The following CACNA2D1 variants were observed in gnomAD, a reference collection of about 807,000 sequenced individuals.
CACNA2D1 encodes the protein calcium voltage-gated channel auxiliary subunit alpha2delta 1, also known as voltage-dependent calcium channel subunit alpha-2/delta-1.
Under a neutral mutation model 171.5 loss-of-function variants are expected in CACNA2D1, and 53 were observed. That is an observed-to-expected ratio of 0.31 (90% confidence interval 0.25 to 0.39). CACNA2D1 has a LOEUF of 0.39. CACNA2D1 is among the 10% of genes least tolerant of loss of function. CACNA2D1 has a pLI of 1.00. For missense variants in CACNA2D1, 903 were observed against 1,299.8 expected, an observed-to-expected ratio of 0.69 and a Z score of 4.69; for synonymous variants, 442 against 443.1, an observed-to-expected ratio of 1.00 and a Z score of 0.03.
At chr7:82,200,775 G>C (rs1198971564) in intron 3 of CACNA2D1, among the ~76,000 whole-genome samples, 1 of 152,272 alleles carries the variant, frequency 6.6e-6, no homozygotes, top group East Asian at 1.9e-4. Flanking sequence ...GCACATTCCA[G>C]GAGAAATGAT....
intron 24 of CACNA2D1, among the ~76,000 whole-genome samples, chr7:81,978,870 A>T (rs548880072): frequency 6.0e-4 from 90 of 151,212 alleles, no homozygotes; most frequent in Non-Finnish European, 9.7e-4. Context: ...ACATATGTTA[A>T]TTGAAGTGGA....
chr7:82,065,573 T>C (rs560062045), intron 8 of CACNA2D1, among the ~76,000 whole-genome samples: 9 of 152,314 alleles, frequency 5.9e-5, no homozygotes, highest in African/African-American at 2.2e-4. Context: ...CATAAATTGC[T>C]ACTGGGATAT....
chr7:81,970,425 T>C (rs1417001794), intron 27 of CACNA2D1, among the ~76,000 whole-genome samples: 1 of 151,462 alleles, frequency 6.6e-6, no homozygotes, highest in Non-Finnish European at 1.5e-5. Context: ...AAGAGAAAAA[T>C]CTCTTTAAAC....
intron 10 of CACNA2D1, among the ~76,000 whole-genome samples, chr7:82,049,570 C>T (rs371332811): frequency 6.6e-5 from 10 of 152,114 alleles, no homozygotes; most frequent in South Asian, 2.1e-4. Flanking sequence ...ACGCAAAGCC[C>T]GCCAGTTGTA....
intron 6 of CACNA2D1, among the ~76,000 whole-genome samples, chr7:82,100,575 CT>C (rs1275236653): frequency 9.9e-5 from 15 of 152,270 alleles, no homozygotes; most frequent in African/African-American, 3.6e-4. Flanking sequence ...AAAATACAGA[CT>C]ATCAAAGTGT....
chr7:82,379,366 C>T (rs1823424945), intron 1 of CACNA2D1, among the ~76,000 whole-genome samples: 2 of 152,128 alleles, frequency 1.3e-5, no homozygotes, highest in Admixed American at 1.3e-4. Flanking sequence ...GTTTCAAAGA[C>T]AATCTTGATA....
intron 22 of CACNA2D1, 155 bp downstream of exon 22, chr7:81,984,480 A>C: frequency 1.5e-6 from 1 of 660,544 alleles, no homozygotes; most frequent in South Asian, 1.6e-5. Context: ...TGTTCCTTGC[A>C]TGTTTGGAAT....
intron 38 of CACNA2D1, among the ~76,000 whole-genome samples, chr7:81,958,775 T>C (rs767364315): frequency 7.2e-5 from 11 of 151,896 alleles, no homozygotes; most frequent in Non-Finnish European, 1.6e-4. Context: ...AAGTCTAATA[T>C]GTGATAGCAT....
rs1795419839 is a variant in CACNA2D1, at chr7:81,972,773, A to G, written c.2054-909T>C. On this transcript the variant is annotated intron_variant, in intron 25 of 38. Transcript: ENST00000356860. Reference sequence around the variant, plus strand: ...TTACGACAAAATTTGACTTTTTCAGATAAAGAATATATGTTCTTAACATCC... The same window carrying G: ...TTACGACAAAATTTGACTTTTTCAGGTAAAGAATATATGTTCTTAACATCC... Among the ~76,000 whole-genome samples, 3 of 152,000 alleles carry G rather than the reference A, an allele frequency of 2.0e-5. No individual in the cohort carries two copies. In the Admixed American group the frequency reaches 2.0e-4, roughly 10 times the overall value.
chr7:82,269,183 A>G (rs1350415497), intron 3 of CACNA2D1, among the ~76,000 whole-genome samples: 1 of 151,998 alleles, frequency 6.6e-6, no homozygotes, highest in Non-Finnish European at 1.5e-5. Context: ...ACCATCCTGA[A>G]TTTCTTTAAT....
intron 5 of CACNA2D1, among the ~76,000 whole-genome samples, chr7:82,126,423 T>C (rs764610605): frequency 6.6e-6 from 1 of 152,230 alleles, no homozygotes; most frequent in Non-Finnish European, 1.5e-5. Flanking sequence ...CTTCTGTATA[T>C]TTAAAATCTT....
At chr7:82,295,457 C>T (rs1812148621) in intron 3 of CACNA2D1, among the ~76,000 whole-genome samples, 2 of 152,046 alleles carry the variant, frequency 1.3e-5, no homozygotes, top group Middle Eastern at 6.8e-3. Context: ...CTGCCTCAGC[C>T]TCCCCAGTGG....
In CACNA2D1 at chr7:82,014,513, T is replaced by G. The variant is rs1437932604; in HGVS notation, c.1144-34A>C. ...ATTGAAAAATAGGTATTCATTAGGCTGAATAAAATTTAATTCAATGGCAAA... is the reference window on the plus strand; with the variant it reads ...ATTGAAAAATAGGTATTCATTAGGCGGAATAAAATTTAATTCAATGGCAAA... On this transcript the variant is annotated intron_variant, in intron 12 of 38. Transcript: ENST00000356860. 3.5e-6 allele frequency: 4 copies of G among 1,140,940 alleles called. No individual in the cohort carries two copies. The African/African-American group carries it at 6.1e-5, about 17-fold the overall frequency. 70.7% of individuals were successfully genotyped at this position (1,140,940 alleles called of 1,614,324 possible). A position where few individuals can be genotyped will look rare whatever the true frequency, so the allele number is the denominator to read the frequency against.
At chr7:82,099,393 A>G (rs946030486) in intron 6 of CACNA2D1, among the ~76,000 whole-genome samples, 2 of 148,076 alleles carry the variant, frequency 1.4e-5, no homozygotes, top group African/African-American at 5.1e-5. Flanking sequence ...TTTTAAAATT[A>G]CATACTCTAA....
intron 3 of CACNA2D1, among the ~76,000 whole-genome samples, chr7:82,330,800 T>C (rs1191430053): frequency 6.6e-6 from 1 of 152,142 alleles, no homozygotes; most frequent in East Asian, 1.9e-4. Flanking sequence ...TGTATAATTA[T>C]ACACTTCTTT....
intron 7 of CACNA2D1, among the ~76,000 whole-genome samples, chr7:82,077,494 C>T (rs754537147): frequency 1.3e-5 from 2 of 152,050 alleles, no homozygotes; most frequent in Non-Finnish European, 2.9e-5. Flanking sequence ...TGGGTGCAGA[C>T]CCCTTATTTG....
rs73151541 is a variant in CACNA2D1 at position 82,084,122 on chromosome 7, A to C, written c.658+647T>G. ...CAATAGGTTTTCAGGATGTCCTAGG[A>C]ATTAATTTTTCATTTTGTTATAGAA... On this transcript the variant is annotated intron_variant, in intron 7 of 38. Coordinates refer to ENST00000356860, the MANE Select transcript of CACNA2D1 (RefSeq NM_000722.4). Among the ~76,000 whole-genome samples the C allele has an allele frequency of 2.4e-3, 364 of 152,222 alleles. 1 individual carries two copies. Among genetic ancestry groups the C allele is most frequent in the Non-Finnish European group, 3.5e-3 (237 of 67,996 alleles).
chr7:82,426,547 T>C (rs1829208422), intron 1 of CACNA2D1, among the ~76,000 whole-genome samples: 1 of 152,212 alleles, frequency 6.6e-6, no homozygotes, highest in Non-Finnish European at 1.5e-5. Context: ...ACCATGATGA[T>C]ATGTGTGTTG....
At chr7:82,317,848 A>G (rs1214435870) in intron 3 of CACNA2D1, among the ~76,000 whole-genome samples, 2 of 152,004 alleles carry the variant, frequency 1.3e-5, no homozygotes, top group African/African-American at 4.8e-5. Flanking sequence ...TTGGGGAAAA[A>G]GAATGACGGT....
Sources: allele counts gnomAD v4.1 joint callset (sites outside exome capture counted in the v4.1 genomes callset), GRCh38; gene constraint gnomAD v4.1.1; transcripts MANE v1.5; gene names NCBI Gene and HGNC (gene_info 2026-07-23, HGNC 2026-07-21).